LIN28B: variants seen among roughly 807,000 people sequenced by gnomAD.
The protein encoded by LIN28B is lin-28 RNA binding posttranscriptional regulator B.
Under a neutral mutation model 21.9 loss-of-function variants are expected in LIN28B, and 5 were observed. That is an observed-to-expected ratio of 0.23 (90% CI 0.12 to 0.48). The LOEUF (loss-of-function observed/expected upper bound fraction) is 0.48. Among genes scored for constraint, LIN28B ranks in the 20% least tolerant of loss-of-function variants. The pLI is 0.98. For missense variants in LIN28B, 245 were observed against 310.5 expected (o/e 0.79, Z 1.58); for synonymous variants, 109 against 111.3 (o/e 0.98, Z 0.13).
chr6:105,063,519 C>T lies in LIN28B; in HGVS notation c.384-14895C>T, dbSNP rs531268886. On this transcript the variant is annotated intron_variant, in intron 3 of 3. Coordinates refer to ENST00000345080, the MANE Select transcript of LIN28B (RefSeq NM_001004317.4). Reference sequence around the variant, plus strand: ...GGCATGGTGGCGCATGCCTGTAGTCCCAGCTACTCGAGAGGCTGAGGCACA... The same window carrying T: ...GGCATGGTGGCGCATGCCTGTAGTCTCAGCTACTCGAGAGGCTGAGGCACA... 1.5e-4 allele frequency among the ~76,000 whole-genome samples: 23 copies of T among 151,808 alleles called. No homozygotes were observed. The South Asian group carries it at 4.8e-3, about 32-fold the overall frequency.
At chr6:105,047,828 T>C (rs1771802691) in intron 3 of LIN28B, among the ~76,000 whole-genome samples, 1 of 152,206 alleles carries the variant, frequency 6.6e-6, no homozygotes, top group African/African-American at 2.4e-5. Flanking sequence ...TTGTCTGTTA[T>C]TGGTGTATAA....
chr6:104,957,693 C>T (rs1778310787), intron 1 of LIN28B, among the ~76,000 whole-genome samples: 1 of 152,118 alleles, frequency 6.6e-6, no homozygotes, highest in African/African-American at 2.4e-5. Flanking sequence ...ACCATCTTCA[C>T]GATTTCTCTT....
At chr6:104,957,104 A>T (rs1381152488), upstream of LIN28B, 4 of 1,561,670 alleles carry the variant, frequency 2.6e-6, no homozygotes, top group African/African-American at 4.1e-5. Flanking sequence ...GAGAGAAAAA[A>T]ATCAAAAGAA....
chr6:105,030,732 G>A (rs572419341), intron 3 of LIN28B, among the ~76,000 whole-genome samples: 1 of 151,682 alleles, frequency 6.6e-6, no homozygotes, highest in African/African-American at 2.4e-5. Flanking sequence ...GAGTAGCCGG[G>A]ACTACAGGTG....
chr6:105,043,573 AT>A (rs1394670968), intron 3 of LIN28B, among the ~76,000 whole-genome samples: 1 of 148,796 alleles, frequency 6.7e-6, no homozygotes, highest in Non-Finnish European at 1.5e-5. Context: ...TCTTTTGTTG[AT>A]TTTTTTGTTT....
intron 2 of LIN28B, among the ~76,000 whole-genome samples, chr6:104,968,325 A>G (rs1769906204): frequency 6.6e-6 from 1 of 152,238 alleles, no homozygotes; most frequent in African/African-American, 2.4e-5. Flanking sequence ...AAAAGCAAAT[A>G]TTAGTTTTAA....
chr6:104,992,699 G>A (rs1008432133), intron 2 of LIN28B, among the ~76,000 whole-genome samples: 1 of 151,760 alleles, frequency 6.6e-6, no homozygotes, highest in African/African-American at 2.4e-5. Flanking sequence ...TTGTAGAGAT[G>A]GGATCTCTCT....
At chr6:105,005,327 A>AT (rs761014442) in intron 2 of LIN28B, among the ~76,000 whole-genome samples, 51 of 151,666 alleles carry the variant, frequency 3.4e-4, no homozygotes, top group South Asian at 1.5e-3. Context: ...TTTTTTATTA[A>AT]TTTTTTTATG....
At chr6:105,054,965 G>C (rs1160351333) in intron 3 of LIN28B, among the ~76,000 whole-genome samples, 4 of 151,870 alleles carry the variant, frequency 2.6e-5, no homozygotes, top group African/African-American at 9.7e-5. Flanking sequence ...TCAATTGAAA[G>C]GGTTTTTTTT....
chr6:105,057,497 T>A (rs1772043112), intron 3 of LIN28B, among the ~76,000 whole-genome samples: 1 of 152,232 alleles, frequency 6.6e-6, no homozygotes, highest in Non-Finnish European at 1.5e-5. Flanking sequence ...TGACATGTTA[T>A]GCTGCTTCAA....
upstream of LIN28B, among the ~76,000 whole-genome samples, chr6:104,952,987 G>A (rs1778237044): frequency 6.6e-6 from 1 of 152,202 alleles, no homozygotes; most frequent in Admixed American, 6.5e-5. Context: ...TCTGCTGCAA[G>A]ACCCAAGCAC....
intron 2 of LIN28B, among the ~76,000 whole-genome samples, chr6:105,020,493 T>C (rs1771116791): frequency 6.6e-6 from 1 of 151,766 alleles, no homozygotes; most frequent in Non-Finnish European, 1.5e-5. Flanking sequence ...ATTTTTTGTA[T>C]TTTTTTGTAG....
intron 3 of LIN28B, among the ~76,000 whole-genome samples, chr6:104,951,910 C>G (rs1778225304): frequency 6.6e-6 from 1 of 152,172 alleles, no homozygotes; most frequent in Middle Eastern, 3.2e-3. Context: ...TGGGCTTTTT[C>G]TCCACAGATT....
chr6:105,060,533 C>G (rs1772105731), intron 3 of LIN28B, among the ~76,000 whole-genome samples: 1 of 152,108 alleles, frequency 6.6e-6, no homozygotes, highest in Non-Finnish European at 1.5e-5. Context: ...CTGATAGATG[C>G]ACCTGGAGTA....
intron 2 of LIN28B, among the ~76,000 whole-genome samples, chr6:105,006,734 C>T (rs1770823472): frequency 1.3e-5 from 2 of 152,226 alleles, no homozygotes; most frequent in Admixed American, 6.5e-5. Context: ...GGTCCTCTCA[C>T]TTCAGGACCC....
chr6:105,034,037 T>A lies in LIN28B; in HGVS notation c.383+7555T>A, dbSNP rs1192102992. On this transcript the variant is annotated intron_variant, in intron 3 of 3. Transcript: ENST00000345080. ...TTTTTATATATAGTTTAAATGTTTT[T>A]ACTCCTTAATACTTGGTGAATAAAA... is the stretch of plus-strand genomic sequence containing the variant. Among the ~76,000 whole-genome samples the A allele has an allele frequency of 2.0e-5, 3 of 151,912 alleles. No homozygotes were observed. In the East Asian group the frequency reaches 5.8e-4, roughly 29 times the overall value.
At chr6:105,043,467 A>ATG (rs1174055853) in intron 3 of LIN28B, among the ~76,000 whole-genome samples, 1 of 150,768 alleles carries the variant, frequency 6.6e-6, no homozygotes, top group Non-Finnish European at 1.5e-5. Flanking sequence ...TTGTTTGTGT[A>ATG]TGTGTGTGTA....
chr6:105,030,499 T>G lies in LIN28B; in HGVS notation c.383+4017T>G, dbSNP rs373663288. The stretch of plus-strand genomic sequence containing the variant: ...CTTGAAAATCTTATAAAATATTTGA[T>G]TCTCTAGTTATTTCCTATTGCTATT... On this transcript the variant is annotated intron_variant, in intron 3 of 3. Transcript: ENST00000345080. Among the ~76,000 whole-genome samples the G allele has an allele frequency of 7.9e-5, 12 of 152,282 alleles. No individual in the cohort carries two copies. In the South Asian group the frequency reaches 2.5e-3, roughly 32 times the overall value.
In LIN28B at chr6:104,941,477, C is replaced by A. The variant is rs549427451; in HGVS notation, c.18+4361C>A. The A allele has an allele frequency of 4.0e-5, 6 of 149,910 alleles. No individual in the cohort carries two copies. The South Asian group carries it at 1.2e-3, about 30-fold the overall frequency. The allele number at this position is 149,910 out of a possible 1,614,324, so 9.3% of individuals were successfully genotyped here. ...GGGCGGGGCAGGGCGGGGGCGCAGG[C>A]CACGCGGGGGCGCAGGGCGCGAGGG... On this transcript the variant is annotated intron_variant, in intron 2 of 5. Transcript: ENST00000635857.
Sources: gnomAD v4.1 joint callset for allele counts (sites outside exome capture counted in the v4.1 genomes callset) on GRCh38, gnomAD v4.1.1 for gene constraint, MANE v1.5 for transcripts, NCBI Gene and HGNC (gene_info 2026-07-23, HGNC 2026-07-21) for gene names.